The following TANC2 variants were observed in gnomAD, a reference collection of about 807,000 sequenced individuals.
The protein encoded by TANC2 is protein TANC2.
TANC2 carries 26 observed loss-of-function variants against 210.5 expected under a neutral mutation model. That is an observed-to-expected ratio of 0.12 (90% confidence interval 0.09 to 0.17). The LOEUF is 0.17. Among genes scored for constraint, TANC2 ranks in the 10% least tolerant of loss-of-function variants. The pLI is 1.00. For synonymous variants in TANC2, 931 were observed against 967.1 expected, an observed-to-expected ratio of 0.96 and a Z score of 0.69; for missense variants, 2,129 against 2,608.9, an observed-to-expected ratio of 0.82 and a Z score of 4.01.
intron 1 of TANC2, among the ~76,000 whole-genome samples, chr17:62,977,489 A>G (rs938928531): frequency 5.3e-5 from 8 of 152,152 alleles, no homozygotes; most frequent in Non-Finnish European, 1.2e-4. Context: ...TCATATAATG[A>G]GTCTTCTCCT....
intron 11 of TANC2, among the ~76,000 whole-genome samples, chr17:63,322,620 C>T (rs772917417): frequency 1.5e-4 from 23 of 152,162 alleles, no homozygotes; most frequent in Non-Finnish European, 3.1e-4. Flanking sequence ...ACCTATAGTC[C>T]AGGACTGAAG....
At chr17:63,018,045 AC>A (rs2034184047) in intron 2 of TANC2, among the ~76,000 whole-genome samples, 1 of 152,024 alleles carries the variant, frequency 6.6e-6, no homozygotes, top group African/African-American at 2.4e-5. Context: ...GAATCACTTG[AC>A]CCTGGGAGTT....
intron 5 of TANC2, chr17:63,152,719 T>A (rs1037089123): frequency 6.6e-6 from 1 of 152,138 alleles, no homozygotes; most frequent in Non-Finnish European, 1.5e-5. Context: ...GTGTGCTAAT[T>A]TTCTATCCCT....
chr17:63,038,526 G>C (rs566251642), intron 2 of TANC2, among the ~76,000 whole-genome samples: 1 of 151,868 alleles, frequency 6.6e-6, no homozygotes, highest in African/African-American at 2.4e-5. Flanking sequence ...GAGTAATTCC[G>C]TCCTCATAAA....
intron 12 of TANC2, among the ~76,000 whole-genome samples, chr17:63,341,844 C>T (rs1347139800): frequency 6.6e-6 from 1 of 152,218 alleles, no homozygotes; most frequent in African/African-American, 2.4e-5. Context: ...ATTCCTTGTT[C>T]TGACATTCAA....
Position 63,022,025 on chromosome 17 carries a change from T to A in TANC2, c.67+12399T>A, listed in dbSNP as rs542803915. Among the ~76,000 whole-genome samples, 3 of 152,198 alleles carry A rather than the reference T, an allele frequency of 2.0e-5. No homozygotes were observed. In the South Asian group the frequency reaches 6.2e-4, roughly 32 times the overall value. ...CTGCAATGTGTCCATGCCCTAGGTC[T>A]TTATGGAAGGTGGAATTTAAGAATG... On this transcript the variant is annotated intron_variant, in intron 2 of 27. Transcript: ENST00000689528.
At chr17:63,030,087 C>A (rs1486971247) in intron 2 of TANC2, among the ~76,000 whole-genome samples, 1 of 152,050 alleles carries the variant, frequency 6.6e-6, no homozygotes, top group South Asian at 2.1e-4. Context: ...GGGTTTTAAA[C>A]TGGTAAGTAA....
At chr17:63,053,028 G>T (rs890419312) in intron 2 of TANC2, among the ~76,000 whole-genome samples, 1 of 152,178 alleles carries the variant, frequency 6.6e-6, no homozygotes, top group African/African-American at 2.4e-5. Context: ...TGGTTTTTAT[G>T]ATGAAGATAA....
At chr17:63,298,758 T>G (rs1221408025) in intron 9 of TANC2, among the ~76,000 whole-genome samples, 1 of 152,160 alleles carries the variant, frequency 6.6e-6, no homozygotes, top group Non-Finnish European at 1.5e-5. Context: ...TTTTTATTTA[T>G]TTATTTTATA....
intron 21 of TANC2, among the ~76,000 whole-genome samples, chr17:63,408,073 T>C (rs1238586170): frequency 6.6e-6 from 1 of 152,180 alleles, no homozygotes; most frequent in African/African-American, 2.4e-5. Context: ...AAACAATCAC[T>C]CTGGCAGTAT....
At chr17:63,411,718 A>G in intron 22 of TANC2, 32 bp downstream of exon 22, 1 of 1,584,086 alleles carries the variant, frequency 6.3e-7, no homozygotes, top group Non-Finnish European at 8.6e-7. Context: ...TCAAGAGAGC[A>G]GAGAGAGGGG....
intron 14 of TANC2, among the ~76,000 whole-genome samples, chr17:63,377,819 C>T (rs147436642): frequency 6.6e-5 from 10 of 152,262 alleles, no homozygotes; most frequent in Non-Finnish European, 1.0e-4. Flanking sequence ...AAAGAGATTT[C>T]GTTGACTCAC....
chr17:63,199,691 A>T (rs1229934762), intron 6 of TANC2, among the ~76,000 whole-genome samples: 2 of 152,094 alleles, frequency 1.3e-5, no homozygotes, highest in African/African-American at 4.8e-5. Context: ...GTAGTAATTT[A>T]TTTGTGTAGA....
chr17:63,378,343 TAC>T (rs1161033997), intron 14 of TANC2, among the ~76,000 whole-genome samples: 4 of 151,808 alleles, frequency 2.6e-5, no homozygotes, highest in African/African-American at 7.3e-5. Context: ...CACACATACA[TAC>T]ACACACACAT....
At chr17:63,371,557 T>C (rs2047270487) in intron 14 of TANC2, among the ~76,000 whole-genome samples, 1 of 152,212 alleles carries the variant, frequency 6.6e-6, no homozygotes, top group African/African-American at 2.4e-5. Flanking sequence ...ATGAAATCTG[T>C]GTGACTCCAT....
chr17:63,203,437 T>A (rs1191645897), intron 7 of TANC2, among the ~76,000 whole-genome samples: 1 of 152,216 alleles, frequency 6.6e-6, no homozygotes, highest in Non-Finnish European at 1.5e-5. Flanking sequence ...TTTTACTTTT[T>A]TAAAATATGA....
At chr17:62,972,095 CT>C (rs893933083) in intron 1 of TANC2, among the ~76,000 whole-genome samples, 1 of 151,050 alleles carries the variant, frequency 6.6e-6, no homozygotes, top group Admixed American at 6.6e-5. Context: ...TTTCTGGGAC[CT>C]TTTTTTTTCT....
At chr17:63,123,756 GGCTCACTGCAACCTCT>G (rs11273482) in intron 4 of TANC2, among the ~76,000 whole-genome samples, 45,789 of 132,674 alleles carry the variant, frequency 0.35, 8,341 homozygotes, top group African/African-American at 0.54. Context: ...ACACTATCTT[GGCTCACTGCAACCTCT>G]GCTCACTGCA....
At chr17:63,105,266 C>A (rs2037783109) in intron 4 of TANC2, among the ~76,000 whole-genome samples, 2 of 151,600 alleles carry the variant, frequency 1.3e-5, no homozygotes, top group South Asian at 2.1e-4. Flanking sequence ...ATGTGGCAAT[C>A]CAATTTGGAT....
Sources: allele counts gnomAD v4.1 joint callset (sites outside exome capture counted in the v4.1 genomes callset), GRCh38; gene constraint gnomAD v4.1.1; transcripts MANE v1.5; gene names NCBI Gene and HGNC (gene_info 2026-07-23, HGNC 2026-07-21).